The following CRYL1 variants were observed in gnomAD, a reference collection of about 807,000 sequenced individuals.
CRYL1 encodes crystallin lambda 1.
A neutral mutation model predicts 36.6 loss-of-function variants in CRYL1; 29 were observed. The observed-to-expected ratio is 0.79, with a 90% CI of 0.59 to 1.08. The LOEUF is 1.08. CRYL1 is among the 50% of genes least tolerant of loss of function. The pLI is 0.00. For synonymous variants in CRYL1, 152 were observed against 151.5 expected (o/e 1.00, Z -0.02); for missense variants, 411 against 407.9 (o/e 1.01, Z -0.06).
chr13:20,481,132 A>T lies in CRYL1; in HGVS notation c.276+8238T>A, dbSNP rs1188029650. On this transcript the variant is annotated intron_variant, in intron 3 of 7. Transcript: ENST00000298248. This position sits in a 1 kb window ranked among gnomAD's most constrained non-coding sequence, Gnocchi z 4.1. ...CAGGAAGCTAGTAGAACATTAGGAC[A>T]GAATGTTTTCACACTTCGCAAGTGA... Among the ~76,000 whole-genome samples, 1 of 152,232 alleles carries T rather than the reference A, an allele frequency of 6.6e-6. No individual in the cohort carries two copies. The highest frequency in any genetic ancestry group is 1.5e-5 in the Non-Finnish European group (1 of 68,036).
chr13:20,497,644 CACAT>C (rs931706030), intron 2 of CRYL1, among the ~76,000 whole-genome samples: 1 of 151,148 alleles, frequency 6.6e-6, no homozygotes, highest in Non-Finnish European at 1.5e-5. Context: ...ACTACACCAC[CACAT>C]ACACACACTA....
chr13:20,520,576 C>G (rs185052251), intron 1 of CRYL1, among the ~76,000 whole-genome samples: 1 of 152,276 alleles, frequency 6.6e-6, no homozygotes, highest in African/African-American at 2.4e-5. Context: ...GCCCCACTTC[C>G]CTTTCAGTCT....
chr13:20,406,113 C>G (rs2031367832), intron 6 of CRYL1: 1 of 152,198 alleles, frequency 6.6e-6, no homozygotes, highest in Admixed American at 6.5e-5. Context: ...AAAGGCTCAG[C>G]AGCTGGTCAG....
chr13:20,436,844 T>C (rs1434617894), intron 4 of CRYL1, among the ~76,000 whole-genome samples: 2 of 152,096 alleles, frequency 1.3e-5, no homozygotes, highest in Non-Finnish European at 2.9e-5. Context: ...AAATCACTAA[T>C]GATTGAAACA....
chr13:20,486,553 T>G (rs1345678690), intron 3 of CRYL1, among the ~76,000 whole-genome samples: 1 of 151,208 alleles, frequency 6.6e-6, no homozygotes, highest in African/African-American at 2.4e-5. Context: ...TCAGAACTAT[T>G]CCTACCCACT....
intron 1 of CRYL1, among the ~76,000 whole-genome samples, chr13:20,521,995 T>C (rs9506506): frequency 0.86 from 130,666 of 152,164 alleles, 58,535 homozygotes; most frequent in East Asian, 1. Flanking sequence ...GTACAAAAAT[T>C]AGCAGGAAAA....
Position 20,435,207 on chromosome 13 carries a change from G to A in CRYL1, c.439-2911C>T, listed in dbSNP as rs2032182235. On this transcript the variant is annotated intron_variant, in intron 4 of 7. Transcript: ENST00000298248. This position sits in a 1 kb window ranked among gnomAD's most constrained non-coding sequence, Gnocchi z 4.0. ...CTGCACACTTACAAATAGTTAAGAC[G>A]GTAGATTTTGTTATGTATATTTTAC... 6.6e-6 allele frequency among the ~76,000 whole-genome samples: 1 copy of A among 152,086 alleles called. No individual in the cohort carries two copies. The highest frequency in any genetic ancestry group is 1.5e-5 in the Non-Finnish European group (1 of 68,010).
At chr13:20,517,985 T>A (rs2034033043) in intron 1 of CRYL1, among the ~76,000 whole-genome samples, 1 of 150,644 alleles carries the variant, frequency 6.6e-6, no homozygotes, top group Non-Finnish European at 1.5e-5. Flanking sequence ...ATGAATTTAT[T>A]TGTTCAACAG....
At chr13:20,490,043 A>G (rs891809195) in intron 2 of CRYL1, among the ~76,000 whole-genome samples, 12 of 152,224 alleles carry the variant, frequency 7.9e-5, no homozygotes, top group Non-Finnish European at 1.5e-5. Flanking sequence ...AGCCAGTCAC[A>G]AAAGGAAAAA....
At chr13:20,486,340 G>A (rs540387159) in intron 3 of CRYL1, among the ~76,000 whole-genome samples, 6 of 152,264 alleles carry the variant, frequency 3.9e-5, no homozygotes, top group Admixed American at 1.3e-4. Flanking sequence ...GTAGCATGGC[G>A]ACTTGGTTTC....
At chr13:20,522,073 G>T (rs1408669350) in intron 1 of CRYL1, among the ~76,000 whole-genome samples, 1 of 152,198 alleles carries the variant, frequency 6.6e-6, no homozygotes, top group Non-Finnish European at 1.5e-5. Context: ...GCACAGGCCA[G>T]GTGTAGTGGC....
At chr13:20,429,060 C>G (rs2031995939) in intron 5 of CRYL1, among the ~76,000 whole-genome samples, 1 of 152,176 alleles carries the variant, frequency 6.6e-6, no homozygotes, top group Non-Finnish European at 1.5e-5. Context: ...CTAGTTGCCC[C>G]CCGACCAATG....
chr13:20,454,259 C>A (rs970911217), intron 3 of CRYL1, among the ~76,000 whole-genome samples: 1 of 151,946 alleles, frequency 6.6e-6, no homozygotes, highest in African/African-American at 2.4e-5. Flanking sequence ...GCGTTATGAC[C>A]AACTGGAGTT....
Position 20,442,223 on chromosome 13 carries a change from CAA to C in CRYL1, c.277-2471_277-2470del, listed in dbSNP as rs1424399407. On this transcript the variant is annotated intron_variant, in intron 3 of 7. Transcript: ENST00000298248. The stretch of plus-strand genomic sequence containing the variant: ...GCCTTTCTTCAGATCATTTGATTAT[CAA>C]AGAGGCAAGAAAACCTGAACCAGAG... 3.9e-5 allele frequency among the ~76,000 whole-genome samples: 6 copies of C among 152,172 alleles called. No individual in the cohort carries two copies. In the East Asian group the frequency reaches 1.2e-3, roughly 29 times the overall value.
intron 3 of CRYL1, among the ~76,000 whole-genome samples, chr13:20,473,542 G>A (rs2033103311): frequency 6.6e-6 from 1 of 152,260 alleles, no homozygotes; most frequent in South Asian, 2.1e-4. Context: ...CGCCAAGGAT[G>A]GCGCTCCAAA....
At chr13:20,491,570 C>T (rs924384771) in intron 2 of CRYL1, among the ~76,000 whole-genome samples, 5 of 152,120 alleles carry the variant, frequency 3.3e-5, no homozygotes, top group African/African-American at 1.2e-4. Context: ...GCAGGCGGGT[C>T]ACTTGAGGAC....
At chr13:20,429,243 T>C (rs1471853126) in intron 5 of CRYL1, among the ~76,000 whole-genome samples, 2 of 152,220 alleles carry the variant, frequency 1.3e-5, no homozygotes, top group African/African-American at 2.4e-5. Context: ...TCTGCTCCTT[T>C]TCTATTAAAA....
intron 1 of CRYL1, among the ~76,000 whole-genome samples, chr13:20,514,047 A>C (rs9285128): frequency 0.96 from 146,767 of 152,224 alleles, 70,851 homozygotes; most frequent in East Asian, 1. Flanking sequence ...ACAAAGTATA[A>C]CACAAATAAA....
At chr13:20,441,986 T>C (rs1023559239) in intron 3 of CRYL1, among the ~76,000 whole-genome samples, 1 of 152,158 alleles carries the variant, frequency 6.6e-6, no homozygotes, top group Non-Finnish European at 1.5e-5. Flanking sequence ...TAACTCCCCT[T>C]ATCAAAAGGG....
Sources: allele counts gnomAD v4.1 joint callset (sites outside exome capture counted in the v4.1 genomes callset), GRCh38; gene constraint gnomAD v4.1.1; non-coding constraint Gnocchi (gnomAD v3.1); transcripts MANE v1.5; gene names NCBI Gene and HGNC (gene_info 2026-07-23, HGNC 2026-07-21).